BMPER: variants seen among roughly 807,000 people sequenced by gnomAD.
BMPER encodes BMP binding endothelial regulator.
Under a neutral mutation model 87.3 loss-of-function variants are expected in BMPER, and 45 were observed. The observed-to-expected ratio is 0.52, with a 90% CI of 0.41 to 0.66. BMPER has a LOEUF of 0.66. Among genes scored for constraint, BMPER ranks in the 30% least tolerant of loss-of-function variants. The pLI is 0.00. For synonymous variants in BMPER, 326 were observed against 316.2 expected (o/e 1.03, Z -0.33); for missense variants, 784 against 867.5 (o/e 0.90, Z 1.21).
intron 13 of BMPER, among the ~76,000 whole-genome samples, chr7:34,129,023 G>A (rs552337265): frequency 6.6e-6 from 1 of 152,284 alleles, no homozygotes; most frequent in South Asian, 2.1e-4. Context: ...ACCACAGTGG[G>A]TTGCCATGAT....
At chr7:34,103,190 G>T (rs1789728008) in intron 13 of BMPER, among the ~76,000 whole-genome samples, 1 of 152,118 alleles carries the variant, frequency 6.6e-6, no homozygotes, top group African/African-American at 2.4e-5. Flanking sequence ...CAGTACTTCT[G>T]GGAATAGGGA....
intron 2 of BMPER, among the ~76,000 whole-genome samples, chr7:33,909,855 A>G (rs1038141492): frequency 5.9e-5 from 9 of 152,320 alleles, no homozygotes; most frequent in Admixed American, 5.9e-4. Context: ...TAAGCTGTGA[A>G]ATGTTTCAAA....
At chr7:34,031,927 T>TACACACAC (rs59791505) in intron 6 of BMPER, among the ~76,000 whole-genome samples, 1 of 55,474 alleles carries the variant, frequency 1.8e-5, no homozygotes, top group Non-Finnish European at 3.4e-5. Flanking sequence ...TATATATATA[T>TACACACAC]ACACACACAC....
At chr7:33,960,488 G>A (rs1281839733) in intron 3 of BMPER, among the ~76,000 whole-genome samples, 3 of 152,222 alleles carry the variant, frequency 2.0e-5, no homozygotes, top group African/African-American at 7.2e-5. Flanking sequence ...TGGCCTGGAA[G>A]CAGCAAAGCA....
intron 13 of BMPER, among the ~76,000 whole-genome samples, chr7:34,140,150 T>G (rs191029465): frequency 2.0e-5 from 3 of 152,328 alleles, no homozygotes; most frequent in African/African-American, 7.2e-5. Context: ...TTCTTCAAGC[T>G]TCAGCTTCCG....
chr7:34,042,036 G>A (rs1324669619), intron 6 of BMPER, among the ~76,000 whole-genome samples: 2 of 152,144 alleles, frequency 1.3e-5, no homozygotes, highest in African/African-American at 4.8e-5. Flanking sequence ...GCACATGGCT[G>A]TTGTTTTATC....
At chr7:34,129,630 G>GAGAAAGAAAGAAAGAAAGAAAGAAAGAA (rs10527738) in intron 13 of BMPER, among the ~76,000 whole-genome samples, 741 of 56,216 alleles carry the variant, frequency 0.013, 36 homozygotes, top group Non-Finnish European at 0.014. Context: ...GAGAGAAAGA[G>GAGAAAGAAAGAAAGAAAGAAAGAAAGAA]AGAAAGAAAG....
intron 11 of BMPER, among the ~76,000 whole-genome samples, chr7:34,068,874 G>A (rs959175938): frequency 8.5e-5 from 13 of 152,186 alleles, no homozygotes; most frequent in African/African-American, 3.1e-4. Context: ...GAGACTCACA[G>A]CAGTACTAAC....
At position 34,154,360 on chromosome 7, in the gene BMPER, C is replaced by T. The variant is rs972098334; in HGVS notation, c.*1087C>T. ...CTTGCCCTCATTTACTGATAGGCTG[C>T]TACTAGTTACCATTTGATTGTCTTG... On this transcript the variant is annotated 3_prime_UTR_variant, in exon 15 of 15. Coordinates refer to ENST00000649409, the MANE Select transcript of BMPER (RefSeq NM_001365308.1). 1.1e-3 allele frequency: 167 copies of T among 152,320 alleles called. 1 individual carries two copies. Among genetic ancestry groups the T allele is most frequent in the African/African-American group, 3.9e-3 (163 of 41,568 alleles). 9.4% of individuals were successfully genotyped at this position (152,320 alleles called of 1,614,324 possible).
At chr7:33,923,453 T>C (rs1034607262) in intron 2 of BMPER, among the ~76,000 whole-genome samples, 3 of 152,178 alleles carry the variant, frequency 2.0e-5, no homozygotes, top group Admixed American at 6.5e-5. Context: ...ACCAGAATTT[T>C]CCTAAACTTA....
chr7:33,906,623 C>A (rs1356221111), intron 1 of BMPER, among the ~76,000 whole-genome samples, 195 bp from the exon 2 acceptor site: 2 of 151,956 alleles, frequency 1.3e-5, no homozygotes, highest in Non-Finnish European at 2.9e-5. Context: ...CTTTTTTGAA[C>A]CTGTTTAAAT....
intron 5 of BMPER, among the ~76,000 whole-genome samples, chr7:33,971,453 G>A (rs941465528): frequency 6.6e-6 from 1 of 152,144 alleles, no homozygotes; most frequent in African/African-American, 2.4e-5. Context: ...TTTCTGTAAA[G>A]CTTGTATTGT....
rs1005823269 is a variant in BMPER at position 34,015,749 on chromosome 7, C to T, written c.577-30557C>T. ...GTTGATGGAGCCCTCAAAACTGGAA[C>T]AATGTTATGGGACTGAATAATGTGG... On this transcript the variant is annotated intron_variant, in intron 6 of 14. Transcript: ENST00000649409. 3.9e-5 allele frequency among the ~76,000 whole-genome samples: 6 copies of T among 152,050 alleles called. No individual in the cohort carries two copies. In the East Asian group the frequency reaches 5.8e-4, roughly 15 times the overall value.
intron 6 of BMPER, among the ~76,000 whole-genome samples, chr7:33,996,824 A>G (rs559770914): frequency 3.9e-5 from 6 of 152,326 alleles, no homozygotes; most frequent in Admixed American, 1.3e-4. Flanking sequence ...TCAACATGTA[A>G]TCATTATAAA....
At position 34,046,345 on chromosome 7, in the gene BMPER, C is replaced by G. The variant is rs760419537; in HGVS notation, c.616C>G (p.Leu206Val). 2.0e-5 allele frequency: 33 copies of G among 1,613,876 alleles called. No homozygotes were observed. Among genetic ancestry groups the G allele is most frequent in the African/African-American group, 2.7e-5 (2 of 74,896 alleles). ...TQCVREVCPI[L>V]SCPQHLSHIP... ...ATGTGTGAGAGAAGTCTGTCCCATT[C>G]TCTCCTGTCCCCAGCACCTTAGTCA... The change falls in exon 7 of 15, where the codon CTC becomes GTC. Residue 206 changes from leucine to valine, a missense_variant. Leu to Val is a conservative substitution (Grantham distance 32, BLOSUM62 1). Transcript: ENST00000649409.
chr7:34,110,375 A>T (rs1052778316), intron 13 of BMPER, among the ~76,000 whole-genome samples: 2 of 152,162 alleles, frequency 1.3e-5, no homozygotes, highest in African/African-American at 2.4e-5. Flanking sequence ...GAGGGAGAGT[A>T]GGAAAGTGGA....
chr7:33,917,327 C>G (rs10951403), intron 2 of BMPER, among the ~76,000 whole-genome samples: 151,897 of 152,312 alleles, frequency 1, 75,741 homozygotes, highest in Middle Eastern at 1. Context: ...AGCTGACTCT[C>G]TTGAAAATTA....
chr7:33,932,973 T>C (rs1562638131), intron 2 of BMPER, among the ~76,000 whole-genome samples: 1 of 152,178 alleles, frequency 6.6e-6, no homozygotes, highest in Non-Finnish European at 1.5e-5. Flanking sequence ...TCTCTCCCCA[T>C]CAGACACTGG....
intron 11 of BMPER, among the ~76,000 whole-genome samples, chr7:34,071,729 A>G (rs753616360): frequency 6.6e-5 from 10 of 152,252 alleles, no homozygotes; most frequent in Non-Finnish European, 1.3e-4. Context: ...TCTGGAGGAC[A>G]TGAATGAAAA....
Sources: allele counts gnomAD v4.1 joint callset (sites outside exome capture counted in the v4.1 genomes callset), GRCh38; gene constraint gnomAD v4.1.1; transcripts MANE v1.5; gene names NCBI Gene and HGNC (gene_info 2026-07-23, HGNC 2026-07-21).